Variants in TPO observed in about 807,000 individuals in gnomAD.
TPO encodes thyroid peroxidase.
TPO carries 78 observed loss-of-function variants against 96.9 expected under a neutral mutation model. The ratio of observed to expected loss-of-function variants is 0.81; its 90% CI spans 0.67 to 0.97. TPO has a LOEUF of 0.97. Among genes scored for constraint, TPO ranks in the 50% least tolerant of loss-of-function variants. The probability of loss-of-function intolerance (pLI) is 0.00; values close to 1 mark genes in which losing one functional copy is unlikely to be tolerated. For synonymous variants in TPO, 547 were observed against 538.0 expected (o/e 1.02, Z -0.23); for missense variants, 1,252 against 1,274.8 (o/e 0.98, Z 0.27).
intron 15 of TPO, among the ~76,000 whole-genome samples, chr2:1,527,033 A>G (rs1340211945): frequency 9.0e-6 from 1 of 110,716 alleles, no homozygotes; most frequent in Admixed American, 9.9e-5. Flanking sequence ...AACCTCCTCA[A>G]ATCCCCCCAC....
chr2:1,383,811 G>A (rs945037945), intron 1 of TPO, among the ~76,000 whole-genome samples: 8 of 152,172 alleles, frequency 5.3e-5, no homozygotes. Flanking sequence ...CCTATGTCCT[G>A]AATGGTATTG....
chr2:1,518,400 GT>G lies in TPO; in HGVS notation c.2618+1420del, dbSNP rs28913024. Reference sequence around the variant, plus strand: ...CAAAGGGCCTTGTCAAGAATCCACAGTTAATGGACTCTTTTCTGTTGTTTTT... The same window carrying G: ...CAAAGGGCCTTGTCAAGAATCCACAGTAATGGACTCTTTTCTGTTGTTTTT... On this transcript the variant is annotated intron_variant, in intron 15 of 16. Transcript: ENST00000329066. 8.1e-3 allele frequency among the ~76,000 whole-genome samples: 1,240 copies of G among 152,274 alleles called. 22 individuals are homozygous for G. Among genetic ancestry groups the G allele is most frequent in the African/African-American group, 0.028 (1,167 of 41,544 alleles).
intron 5 of TPO, chr2:1,438,838 C>T (rs1292893800): frequency 4.2e-6 from 3 of 716,988 alleles, no homozygotes; most frequent in East Asian, 2.7e-5. Context: ...TAAGCCCGAC[C>T]ATTCCGAAAC....
chr2:1,440,458 G>T (rs11891228), intron 5 of TPO, among the ~76,000 whole-genome samples: 5 of 152,220 alleles, frequency 3.3e-5, no homozygotes, highest in African/African-American at 4.8e-5. Context: ...TAGTGGAAAA[G>T]AATGATTTTT....
rs938389358 is a variant in TPO at position 1,448,567 on chromosome 2, C to T, written c.483-5127C>T. Among the ~76,000 whole-genome samples, 3 of 152,198 alleles carry T rather than the reference C, an allele frequency of 2.0e-5. No homozygotes were observed. In the East Asian group the frequency reaches 5.8e-4, roughly 29 times the overall value. On this transcript the variant is annotated intron_variant, in intron 5 of 16. Coordinates refer to ENST00000329066, the MANE Select transcript of TPO (RefSeq NM_001206744.2). ...CCACAGCCGGCCATCGTAAGAGTTA[C>T]GGCGACTGTCACCTCTCAGCCACTC...
intron 1 of TPO, among the ~76,000 whole-genome samples, chr2:1,399,706 C>T (rs535609427): frequency 6.6e-6 from 1 of 152,338 alleles, no homozygotes; most frequent in African/African-American, 2.4e-5. Context: ...GGAGCCTCTC[C>T]CATCCCAGGG....
At position 1,473,199 on chromosome 2, in the gene TPO, G is replaced by A. The variant is rs191657416; in HGVS notation, c.820-3887G>A. ...TTTGGTTCAGGAATCTCCTTTGCTC[G>A]AAGTCGACAGTGACCTCCTGGGTGG... is the stretch of plus-strand genomic sequence containing the variant. On this transcript the variant is annotated intron_variant, in intron 7 of 16. Transcript: ENST00000329066. Among the ~76,000 whole-genome samples the A allele has an allele frequency of 7.2e-5, 11 of 152,266 alleles. No homozygotes were observed. The East Asian group carries it at 1.7e-3, about 24-fold the overall frequency.
chr2:1,532,962 ACT>A (rs1183305208), intron 15 of TPO, among the ~76,000 whole-genome samples: 2 of 45,514 alleles, frequency 4.4e-5, no homozygotes, highest in Admixed American at 2.8e-4. Flanking sequence ...AAATCCCCCC[ACT>A]GTGTCCAGCC....
At chr2:1,450,046 G>A (rs1006433960) in intron 5 of TPO, among the ~76,000 whole-genome samples, 1 of 152,210 alleles carries the variant, frequency 6.6e-6, no homozygotes, top group Non-Finnish European at 1.5e-5. Context: ...ACCTGGCCCA[G>A]CAGGATGAGG....
intron 13 of TPO, among the ~76,000 whole-genome samples, chr2:1,499,634 T>C (rs11889947): frequency 0.13 from 17,622 of 140,804 alleles, 1,204 homozygotes; most frequent in South Asian, 0.21. Flanking sequence ...AGGAGCTTAT[T>C]ACACCTGTGG....
intron 2 of TPO, among the ~76,000 whole-genome samples, chr2:1,416,202 A>G (rs1662944780): frequency 6.6e-6 from 1 of 152,254 alleles, no homozygotes; most frequent in South Asian, 2.1e-4. Flanking sequence ...GAGTCACAAT[A>G]TAAAGAACCT....
intron 5 of TPO, among the ~76,000 whole-genome samples, chr2:1,451,853 T>G (rs1667332988): frequency 6.6e-6 from 1 of 152,234 alleles, no homozygotes; most frequent in Non-Finnish European, 1.5e-5. Flanking sequence ...CATATTTCCT[T>G]CCAAATGCAG....
chr2:1,535,431 C>G (rs1290572433), intron 15 of TPO, among the ~76,000 whole-genome samples: 1 of 97,620 alleles, frequency 1.0e-5, no homozygotes, highest in Non-Finnish European at 2.1e-5. Flanking sequence ...TGTGCAACCT[C>G]CCCAAATCCC....
chr2:1,399,953 A>T (rs12328301), intron 1 of TPO, among the ~76,000 whole-genome samples: 9,089 of 152,164 alleles, frequency 0.06, 673 homozygotes, highest in East Asian at 0.3. Context: ...ACTTAATGGG[A>T]GCTGCCACCC....
intron 2 of TPO, among the ~76,000 whole-genome samples, chr2:1,415,384 G>A (rs1418106593): frequency 1.6e-5 from 2 of 124,038 alleles, no homozygotes; most frequent in Admixed American, 8.5e-5. Flanking sequence ...TGGGCCTCTG[G>A]ACACAGTCTC....
At chr2:1,483,745 C>T (rs960318835) in intron 8 of TPO, among the ~76,000 whole-genome samples, 5 of 152,170 alleles carry the variant, frequency 3.3e-5, no homozygotes, top group East Asian at 1.9e-4. Flanking sequence ...CGAGGTGGAG[C>T]GGGACAGCGA....
rs775202863 is a variant in TPO at position 1,423,120 on chromosome 2, C to A, written c.170C>A (p.Thr57Lys). ...KRLVDTAMYA[T>K]MQRNLKKRGI... ...CTGGTGGACACCGCCATGTACGCCA[C>A]GATGCAGAGGTGAGCCTTGCGGAGG... The change falls in exon 3 of 17, where the codon ACG becomes AAG. Residue 57 changes from threonine to lysine, a missense_variant. By Grantham distance (78) the Thr-to-Lys change is moderately conservative. Coordinates refer to ENST00000329066, the MANE Select transcript of TPO (RefSeq NM_001206744.2). 1 of 1,613,856 alleles carries A rather than the reference C, an allele frequency of 6.2e-7. No individual in the cohort carries two copies. The highest frequency in any genetic ancestry group is 1.1e-5 in the South Asian group (1 of 91,064).
At chr2:1,468,692 G>C (rs1669118087) in intron 7 of TPO, among the ~76,000 whole-genome samples, 1 of 152,186 alleles carries the variant, frequency 6.6e-6, no homozygotes, top group African/African-American at 2.4e-5. Context: ...CCTGGGCAAT[G>C]ATCTTTTAGC....
chr2:1,534,978 C>CA, intron 15 of TPO, among the ~76,000 whole-genome samples: 1 of 147,210 alleles, frequency 6.8e-6, no homozygotes, highest in Non-Finnish European at 1.5e-5. Flanking sequence ...TCCTCAAATC[C>CA]CCCCAGTGTG....
Sources: gnomAD v4.1 joint callset for allele counts (sites outside exome capture counted in the v4.1 genomes callset) on GRCh38, gnomAD v4.1.1 for gene constraint, MANE v1.5 for transcripts, NCBI Gene and HGNC (gene_info 2026-07-23, HGNC 2026-07-21) for gene names.